The following PCDHA4 variants were observed in gnomAD, a reference collection of about 807,000 sequenced individuals.
The protein encoded by PCDHA4 is protocadherin alpha 4, also known as protocadherin alpha-4.
Under a neutral mutation model 61.4 loss-of-function variants are expected in PCDHA4, and 49 were observed. The ratio of observed to expected loss-of-function variants is 0.80; its 90% CI spans 0.63 to 1.01. The LOEUF is 1.01. Among genes scored for constraint, PCDHA4 ranks in the 50% least tolerant of loss-of-function variants. The probability of loss-of-function intolerance (pLI) is 0.00; values close to 1 mark genes in which losing one functional copy is unlikely to be tolerated. For synonymous variants in PCDHA4, 590 were observed against 550.3 expected, an observed-to-expected ratio of 1.07 and a Z score of -1.01; for missense variants, 1,254 against 1,235.8, an observed-to-expected ratio of 1.01 and a Z score of -0.22.
chr5:140,976,990 A>G (rs1162326000), intron 1 of PCDHA4, among the ~76,000 whole-genome samples: 1 of 152,228 alleles, frequency 6.6e-6, no homozygotes. Flanking sequence ...TCTTACTGCC[A>G]TAAGAAATCT....
At chr5:140,883,774 T>C (rs782252577) in intron 1 of PCDHA4, 10 of 1,612,152 alleles carry the variant, frequency 6.2e-6, no homozygotes, top group South Asian at 5.5e-5. Flanking sequence ...TGGGCGAGCG[T>C]GCGCTGTCGA....
At position 140,876,825 on chromosome 5, in the gene PCDHA4, T is replaced by C. The variant is rs200732511; in HGVS notation, c.2385+67253T>C. ...TGGAGGTGGCCGACGTGAACGACAA[T>C]GCGCCTGCGTTCGCGCAGCCCGAGT... On this transcript the variant is annotated intron_variant, in intron 1 of 3. Transcript: ENST00000530339. The C allele has an allele frequency of 2.4e-4, 380 of 1,614,056 alleles. 4 individuals carry two copies. The East Asian group carries it at 3.4e-3, about 15-fold the overall frequency.
intron 1 of PCDHA4, chr5:140,854,000 CAA>C (rs112540154): frequency 4.4e-4 from 155 of 351,630 alleles, no homozygotes; most frequent in Middle Eastern, 1.4e-3. Flanking sequence ...TCATCTCTGC[CAA>C]AAAAAAAAAA....
chr5:140,934,103 T>C (rs1400037088), intron 1 of PCDHA4, among the ~76,000 whole-genome samples: 1 of 152,148 alleles, frequency 6.6e-6, no homozygotes, highest in Non-Finnish European at 1.5e-5. Context: ...TGCTTTCTAT[T>C]TTATTAATTT....
intron 3 of PCDHA4, among the ~76,000 whole-genome samples, chr5:140,983,005 A>G (rs1468544114): frequency 2.0e-5 from 3 of 152,110 alleles, no homozygotes; most frequent in African/African-American, 4.8e-5. Flanking sequence ...AAAGAAAGAA[A>G]AAGGAAGGAA....
Position 140,957,818 on chromosome 5 carries a change from A to T in PCDHA4, c.2386-21131A>T, listed in dbSNP as rs568420954. On this transcript the variant is annotated intron_variant, in intron 1 of 3. Transcript: ENST00000530339. ...GTTAAGTAAAAAAAAGTCACAAATT[A>T]AGAGAAAGTGTTAATTGATTTGAGA... Among the ~76,000 whole-genome samples the T allele has an allele frequency of 9.3e-4, 141 of 151,940 alleles. 1 individual carries two copies. Among genetic ancestry groups the T allele is most frequent in the African/African-American group, 2.9e-3 (121 of 41,526 alleles).
At position 140,969,226 on chromosome 5, in the gene PCDHA4, G is replaced by A. The variant is rs145631723; in HGVS notation, c.2386-9723G>A. 3.9e-4 allele frequency: 622 copies of A among 1,614,150 alleles called. 3 individuals are homozygous for A. The African/African-American group carries it at 5.9e-3, about 15-fold the overall frequency. On this transcript the variant is annotated intron_variant, in intron 1 of 3. Transcript: ENST00000530339. Reference sequence around the variant, plus strand: ...GGGCCCAGACAGGACCAGGGCCTTCGGGAGCCCAAGCAGCAGTGACTGACA... The same window carrying A: ...GGGCCCAGACAGGACCAGGGCCTTCAGGAGCCCAAGCAGCAGTGACTGACA...
rs1353542973 is a variant in PCDHA4 at position 140,828,575 on chromosome 5, G to T, written c.2385+19003G>T. On this transcript the variant is annotated intron_variant, in intron 1 of 3. Coordinates refer to ENST00000530339, the MANE Select transcript of PCDHA4 (RefSeq NM_018907.4). ...ACTGGAGGGCGCGTCCGATGCAGAT[G>T]TTGGCTCAAATTCCATCTTAACCTA... 1.2e-6 allele frequency: 2 copies of T among 1,614,260 alleles called. No homozygotes were observed. The highest frequency in any genetic ancestry group is 1.7e-6 in the Non-Finnish European group (2 of 1,180,044).
In PCDHA4 at chr5:140,808,975, G is replaced by C; in HGVS notation, c.1788G>C (p.Ala596=). 6.2e-7 allele frequency: 1 copy of C among 1,613,626 alleles called. No individual in the cohort carries two copies. The highest frequency in any genetic ancestry group is 8.5e-7 in the Non-Finnish European group (1 of 1,179,716). ...GVGHVVAKVR[A]VDADSGYNAW... ...GCCACGTGGTGGCAAAGGTGCGCGC[G>C]GTGGATGCTGACTCGGGCTACAACG... Residue 596 remains alanine, a synonymous_variant, in exon 1 of 4, where the codon GCG becomes GCC. Coordinates refer to ENST00000530339, the MANE Select transcript of PCDHA4 (RefSeq NM_018907.4).
Position 140,969,025 on chromosome 5 carries a change from T to G in PCDHA4, c.2386-9924T>G, listed in dbSNP as rs1554231368. On this transcript the variant is annotated intron_variant, in intron 1 of 3. Transcript: ENST00000530339. ...TCTGTGGAGTAAGGGAAAGGTCCCC[T>G]GCAGAACTGTACAAACAAGCCAACA... The G allele has an allele frequency of 1.9e-6, 3 of 1,614,178 alleles. No individual in the cohort carries two copies. The East Asian group carries it at 6.7e-5, about 36-fold the overall frequency.
In PCDHA4 at chr5:140,835,839, A is replaced by G. The variant is rs2150246245; in HGVS notation, c.2385+26267A>G. On this transcript the variant is annotated intron_variant, in intron 1 of 3. Coordinates refer to ENST00000530339, the MANE Select transcript of PCDHA4 (RefSeq NM_018907.4). ...GTCGGCGGGGGACGCGGACGCGCAG[A>G]AGAACGCGCTGGTGTCCTACTCGCT... 1.9e-5 allele frequency: 31 copies of G among 1,612,256 alleles called. No individual in the cohort carries two copies. The Admixed American group carries it at 4.2e-4, about 22-fold the overall frequency.
chr5:140,896,486 C>T (rs2065571972), intron 1 of PCDHA4, among the ~76,000 whole-genome samples: 2 of 151,948 alleles, frequency 1.3e-5, no homozygotes, highest in African/African-American at 4.8e-5. Context: ...CCTCAGCCTC[C>T]TGAGTAGCTG....
intron 1 of PCDHA4, chr5:140,868,892 A>G (rs1450985948): frequency 3.9e-6 from 3 of 760,982 alleles, no homozygotes; most frequent in Non-Finnish European, 4.1e-6. Context: ...TTTTAGGCGC[A>G]AGGTGTCGCT....
intron 1 of PCDHA4, among the ~76,000 whole-genome samples, chr5:140,955,475 C>T (rs246017): frequency 0.56 from 85,566 of 151,816 alleles, 24,719 homozygotes; most frequent in African/African-American, 0.69. Context: ...TGCTTGGCAC[C>T]TCTCCTTCCT....
At chr5:140,864,034 T>C (rs2048289814) in intron 1 of PCDHA4, 1 of 153,038 alleles carries the variant, frequency 6.5e-6, no homozygotes, top group African/African-American at 2.4e-5. Flanking sequence ...CTAGCCATCT[T>C]AATCACTTTT....
chr5:141,010,315 T>G lies in PCDHA4; in HGVS notation c.*378T>G. ...AGGGCAGGCTGAAAAGTTTTGAGAT[T>G]GAGCAGCTTGGGAGTTTGTGGCCAC... On this transcript the variant is annotated 3_prime_UTR_variant, in exon 4 of 4. Transcript: ENST00000530339. 2.6e-6 allele frequency: 4 copies of G among 1,546,626 alleles called. No homozygotes were observed. Among genetic ancestry groups the G allele is most frequent in the Non-Finnish European group, 3.5e-6 (4 of 1,145,530 alleles).
intron 1 of PCDHA4, chr5:140,966,382 G>C (rs1188243032): frequency 5.0e-6 from 2 of 403,766 alleles, no homozygotes; most frequent in Non-Finnish European, 4.3e-6. Flanking sequence ...GTCCGGGTTC[G>C]CTGTCCGCCA....
chr5:140,851,627 C>G (rs1278178767), intron 1 of PCDHA4: 1 of 918,180 alleles, frequency 1.1e-6, no homozygotes, highest in Admixed American at 6.3e-5. Context: ...GCTTTTTAAA[C>G]AAGTGTTTCC....
chr5:140,857,301 C>T (rs2044489449), intron 1 of PCDHA4: 2 of 1,598,676 alleles, frequency 1.3e-6, no homozygotes, highest in Non-Finnish European at 8.6e-7. Context: ...GAGAGGGTGT[C>T]GGCCTATGAG....
Sources: gnomAD v4.1 joint callset for allele counts (sites outside exome capture counted in the v4.1 genomes callset) on GRCh38, gnomAD v4.1.1 for gene constraint, MANE v1.5 for transcripts, NCBI Gene and HGNC (gene_info 2026-07-23, HGNC 2026-07-21) for gene names.